MCF2L2: variants seen among roughly 807,000 people sequenced by gnomAD.
MCF2L2 encodes probable guanine nucleotide exchange factor MCF2L2.
Under a neutral mutation model 150.2 loss-of-function variants are expected in MCF2L2, and 102 were observed. The observed-to-expected ratio is 0.68, with a 90% CI of 0.58 to 0.80. The LOEUF (loss-of-function observed/expected upper bound fraction) is 0.80. Among genes scored for constraint, MCF2L2 ranks in the 30% least tolerant of loss-of-function variants. MCF2L2 has a pLI of 0.00. For missense variants in MCF2L2, 1,256 were observed against 1,372.8 expected (o/e 0.91, Z 1.34); for synonymous variants, 465 against 491.3 (o/e 0.95, Z 0.71).
chr3:183,213,950 C>G (rs1252540023), intron 22 of MCF2L2, among the ~76,000 whole-genome samples: 2 of 152,308 alleles, frequency 1.3e-5, no homozygotes, highest in African/African-American at 4.8e-5. Flanking sequence ...ATTCTGAGGA[C>G]ACATGGTCAA....
At chr3:183,415,241 G>C (rs959204866) in intron 1 of MCF2L2, among the ~76,000 whole-genome samples, 1 of 151,892 alleles carries the variant, frequency 6.6e-6, no homozygotes, top group Admixed American at 6.6e-5. Flanking sequence ...CTGGAGTGCA[G>C]TGGTGCAGTC....
intron 1 of MCF2L2, among the ~76,000 whole-genome samples, chr3:183,401,507 T>C (rs899355711): frequency 1.1e-4 from 17 of 152,294 alleles, no homozygotes; most frequent in African/African-American, 3.6e-4. Flanking sequence ...TCGGTGAGCT[T>C]TGACAAAAGA....
intron 15 of MCF2L2, chr3:183,273,454 C>CTACAT (rs1726957232): frequency 6.4e-6 from 1 of 156,478 alleles, no homozygotes; most frequent in South Asian, 1.9e-4. Flanking sequence ...TCTTAATGTA[C>CTACAT]TACATGGTCT....
intron 3 of MCF2L2, among the ~76,000 whole-genome samples, chr3:183,365,436 C>T (rs570744364): frequency 1.3e-5 from 2 of 152,276 alleles, no homozygotes; most frequent in African/African-American, 2.4e-5. Context: ...AGATATTAAA[C>T]AACGTAAATC....
At chr3:183,244,980 C>G (rs1320685532) in intron 15 of MCF2L2, among the ~76,000 whole-genome samples, 1 of 152,074 alleles carries the variant, frequency 6.6e-6, no homozygotes, top group Non-Finnish European at 1.5e-5. Flanking sequence ...GGTTCCAGTT[C>G]TATTTCTACC....
At chr3:183,294,592 T>A (rs960360836) in intron 13 of MCF2L2, among the ~76,000 whole-genome samples, 1 of 148,182 alleles carries the variant, frequency 6.7e-6, no homozygotes, top group Admixed American at 6.8e-5. Flanking sequence ...TATATACATA[T>A]ATGTGTATGT....
chr3:183,295,984 A>T (rs1728481144), intron 12 of MCF2L2, among the ~76,000 whole-genome samples: 1 of 151,792 alleles, frequency 6.6e-6, no homozygotes, highest in South Asian at 2.1e-4. Context: ...AAACAATTAG[A>T]ATACAATGTG....
intron 27 of MCF2L2, 178 bp downstream of exon 27, chr3:183,192,821 C>T: frequency 3.7e-6 from 2 of 541,768 alleles, no homozygotes; most frequent in South Asian, 2.7e-5. Flanking sequence ...CCCATTAGCT[C>T]TACACAAATG....
At chr3:183,332,214 T>C (rs996466072) in intron 5 of MCF2L2, among the ~76,000 whole-genome samples, 1 of 152,198 alleles carries the variant, frequency 6.6e-6, no homozygotes, top group Non-Finnish European at 1.5e-5. Flanking sequence ...AACTTCAGAC[T>C]CTGCCGTTTC....
chr3:183,200,213 A>G (rs932013523), intron 25 of MCF2L2, among the ~76,000 whole-genome samples: 1 of 152,198 alleles, frequency 6.6e-6, no homozygotes, highest in African/African-American at 2.4e-5. Flanking sequence ...TGTCTTCCAC[A>G]ATGGTTGAAC....
At chr3:183,295,627 C>T in intron 12 of MCF2L2, 150 bp from the exon 13 acceptor site, 1 of 694,514 alleles carries the variant, frequency 1.4e-6, no homozygotes, top group Non-Finnish European at 2.4e-6. Context: ...CAAGTCGCTG[C>T]AGGTCCTGCC....
intron 23 of MCF2L2, among the ~76,000 whole-genome samples, chr3:183,206,431 G>A (rs1722475248): frequency 6.6e-6 from 1 of 152,196 alleles, no homozygotes; most frequent in Admixed American, 6.5e-5. Flanking sequence ...AACACAGACT[G>A]TTAACTTTCT....
chr3:183,378,055 CAT>C (rs1713292346), intron 3 of MCF2L2: 1 of 152,172 alleles, frequency 6.6e-6, no homozygotes, highest in African/African-American at 2.4e-5. Context: ...AAAGAAAAAA[CAT>C]ATTTTTCAAG....
rs147368080 is a variant in MCF2L2 at position 183,204,603 on chromosome 3, T to C, written c.2884+1273A>G. On this transcript the variant is annotated intron_variant, in intron 25 of 29. Coordinates refer to ENST00000328913, the MANE Select transcript of MCF2L2 (RefSeq NM_015078.4). Reference sequence around the variant, plus strand: ...ACTGTTTTGAAAGATGATTTGGAAGTTCCTCAGAAAGTTAACAAAAGTTAC... The same window carrying C: ...ACTGTTTTGAAAGATGATTTGGAAGCTCCTCAGAAAGTTAACAAAAGTTAC... Among the ~76,000 whole-genome samples, 369 of 152,270 alleles carry C rather than the reference T, an allele frequency of 2.4e-3. 3 individuals carry two copies. The highest frequency in any genetic ancestry group is 8.3e-3 in the African/African-American group (343 of 41,560).
At chr3:183,333,768 G>A (rs1730359227) in intron 5 of MCF2L2, among the ~76,000 whole-genome samples, 1 of 152,062 alleles carries the variant, frequency 6.6e-6, no homozygotes, top group South Asian at 2.1e-4. Flanking sequence ...TACAGCTTCT[G>A]TCTGCTGAAA....
intron 3 of MCF2L2, among the ~76,000 whole-genome samples, chr3:183,346,743 CAT>C (rs1178295730): frequency 1.2e-4 from 18 of 152,298 alleles, no homozygotes; most frequent in African/African-American, 4.3e-4. Context: ...GTGCAAAAAT[CAT>C]AAGCATTTCT....
chr3:183,257,525 A>C (rs1473017345), intron 15 of MCF2L2, among the ~76,000 whole-genome samples: 2 of 152,240 alleles, frequency 1.3e-5, no homozygotes, highest in African/African-American at 2.4e-5. Flanking sequence ...TGCCTAGAAT[A>C]GGGCAGGCAC....
intron 13 of MCF2L2, among the ~76,000 whole-genome samples, chr3:183,291,652 G>C (rs1398459983): frequency 6.6e-6 from 1 of 152,142 alleles, no homozygotes; most frequent in Admixed American, 6.5e-5. Context: ...AGTTACTAAG[G>C]AATCAGACAA....
At chr3:183,340,211 T>C (rs550684883) in intron 4 of MCF2L2, among the ~76,000 whole-genome samples, 9 of 152,330 alleles carry the variant, frequency 5.9e-5, no homozygotes, top group African/African-American at 2.2e-4. Flanking sequence ...AGCTGAGACA[T>C]AATTTGTGAA....
Sources: allele counts gnomAD v4.1 joint callset (sites outside exome capture counted in the v4.1 genomes callset), GRCh38; gene constraint gnomAD v4.1.1; transcripts MANE v1.5; gene names NCBI Gene and HGNC (gene_info 2026-07-23, HGNC 2026-07-21).